The following PRMT3 variants were observed in gnomAD, a reference collection of about 807,000 sequenced individuals.
PRMT3 encodes the protein protein arginine methyltransferase 3.
In PRMT3, 62 loss-of-function variants were observed where a neutral mutation model predicts 71.9. The observed-to-expected ratio is 0.86, with a 90% CI of 0.70 to 1.07. The LOEUF (loss-of-function observed/expected upper bound fraction) is 1.07, where lower values mean the gene tolerates loss of function less well. PRMT3 is among the 50% of genes least tolerant of loss of function. The pLI is 0.00. For synonymous variants in PRMT3, 213 were observed against 220.4 expected, an observed-to-expected ratio of 0.97 and a Z score of 0.30; for missense variants, 663 against 643.0, an observed-to-expected ratio of 1.03 and a Z score of -0.34.
At chr11:20,501,760 A>G (rs1245887527) in intron 15 of PRMT3, among the ~76,000 whole-genome samples, 1 of 152,216 alleles carries the variant, frequency 6.6e-6, no homozygotes, top group African/African-American at 2.4e-5. Flanking sequence ...TCCCTTTACA[A>G]TTCATGTACA....
chr11:20,445,365 T>TACCCCTACTATTATATTCCATAC (rs1346696290), intron 10 of PRMT3, among the ~76,000 whole-genome samples: 1 of 152,140 alleles, frequency 6.6e-6, no homozygotes, highest in African/African-American at 2.4e-5. Flanking sequence ...TCCCTTCCTA[T>TACCCCTACTATTATATTCCATAC]ACCCCTACTA....
At chr11:20,412,428 G>T (rs1196799917) in intron 9 of PRMT3, among the ~76,000 whole-genome samples, 2 of 151,790 alleles carry the variant, frequency 1.3e-5, no homozygotes, top group Admixed American at 6.6e-5. Context: ...TGAAGTATCA[G>T]AGAGTTCCTT....
At chr11:20,401,614 A>G (rs1285807781) in intron 7 of PRMT3, among the ~76,000 whole-genome samples, 2 of 152,152 alleles carry the variant, frequency 1.3e-5, no homozygotes, top group Admixed American at 6.5e-5. Flanking sequence ...TATTGTAGCA[A>G]TTGGTGTAAT....
chr11:20,405,122 C>T (rs1334423517), intron 8 of PRMT3, among the ~76,000 whole-genome samples: 1 of 151,390 alleles, frequency 6.6e-6, no homozygotes, highest in African/African-American at 2.4e-5. Context: ...CCTTTTCTTC[C>T]TTCTTTTCTT....
chr11:20,397,433 G>A, intron 6 of PRMT3, 144 bp from the exon 7 acceptor site: 1 of 753,150 alleles, frequency 1.3e-6, no homozygotes, highest in Non-Finnish European at 2.2e-6. Context: ...AGCAGGGGGA[G>A]CTTTCAGTTG....
chr11:20,493,802 A>G, intron 13 of PRMT3, 117 bp from the exon 14 acceptor site: 1 of 669,712 alleles, frequency 1.5e-6, no homozygotes, highest in East Asian at 2.9e-5. Flanking sequence ...ATTGAGTTTA[A>G]GAGGTATTTA....
chr11:20,443,676 C>A (rs1590068626), intron 10 of PRMT3, among the ~76,000 whole-genome samples: 1 of 152,168 alleles, frequency 6.6e-6, no homozygotes, highest in East Asian at 1.9e-4. Flanking sequence ...TGGAATAAGA[C>A]CCACACGTGC....
At chr11:20,401,257 G>A (rs895980025) in intron 7 of PRMT3, among the ~76,000 whole-genome samples, 3 of 152,138 alleles carry the variant, frequency 2.0e-5, no homozygotes, top group Non-Finnish European at 4.4e-5. Context: ...TTCACTCTGT[G>A]TAAGTTTTGT....
At chr11:20,505,390 T>A (rs1851566529) in intron 15 of PRMT3, among the ~76,000 whole-genome samples, 1 of 152,214 alleles carries the variant, frequency 6.6e-6, no homozygotes, top group South Asian at 2.1e-4. Context: ...TGTGAACTAC[T>A]TTATACCAGC....
intron 10 of PRMT3, among the ~76,000 whole-genome samples, 199 bp from the exon 11 acceptor site, chr11:20,451,931 C>T (rs932497518): frequency 6.6e-6 from 1 of 152,052 alleles, no homozygotes; most frequent in Non-Finnish European, 1.5e-5. Flanking sequence ...AATAAACTTT[C>T]TGGGTTCACT....
In PRMT3 at chr11:20,508,579, G is replaced by C. The variant is rs928864827; in HGVS notation, c.*166G>C. ...CATTGTGGGAATCTGACATAGTTCA[G>C]CTGAGGAAGAGAATCAGCTGATCCT... On this transcript the variant is annotated 3_prime_UTR_variant, in exon 16 of 16. Transcript: ENST00000331079. The C allele has an allele frequency of 2.9e-6, 2 of 699,292 alleles. No homozygotes were observed. Among genetic ancestry groups the C allele is most frequent in the Non-Finnish European group, 5.3e-6 (2 of 380,408 alleles). The allele number at this position is 699,292 out of a possible 1,614,324, so 43.3% of individuals were successfully genotyped here.
chr11:20,442,720 A>G (rs1164784290), intron 10 of PRMT3, among the ~76,000 whole-genome samples: 1 of 152,234 alleles, frequency 6.6e-6, no homozygotes, highest in Non-Finnish European at 1.5e-5. Context: ...ATATTCATGT[A>G]TATTTCAAAT....
intron 10 of PRMT3, among the ~76,000 whole-genome samples, chr11:20,434,641 G>A (rs952006919): frequency 1.3e-5 from 2 of 152,110 alleles, no homozygotes; most frequent in African/African-American, 4.8e-5. Context: ...GCTTGTTTTT[G>A]TCAGCTTTGT....
intron 13 of PRMT3, among the ~76,000 whole-genome samples, chr11:20,485,991 A>C (rs943654212): frequency 2.0e-5 from 3 of 152,226 alleles, no homozygotes; most frequent in African/African-American, 7.2e-5. Context: ...GATAAGTAAA[A>C]TTTGGCATAT....
At chr11:20,441,790 T>G (rs10833327) in intron 10 of PRMT3, among the ~76,000 whole-genome samples, 97,968 of 124,146 alleles carry the variant, frequency 0.79, 38,798 homozygotes, top group Non-Finnish European at 0.89. Context: ...AGTTTCAGGT[T>G]TTTTTTTTTT....
intron 3 of PRMT3, among the ~76,000 whole-genome samples, chr11:20,391,080 C>A (rs926753214): frequency 2.6e-5 from 4 of 151,854 alleles, no homozygotes; most frequent in Non-Finnish European, 5.9e-5. Flanking sequence ...TTTTTTGGTC[C>A]CTATATTTGT....
chr11:20,505,745 T>C (rs1851575430), intron 15 of PRMT3, among the ~76,000 whole-genome samples: 1 of 152,156 alleles, frequency 6.6e-6, no homozygotes, highest in Non-Finnish European at 1.5e-5. Context: ...ATCTTTTATT[T>C]CTTCCTTAGG....
intron 13 of PRMT3, among the ~76,000 whole-genome samples, chr11:20,467,492 G>A (rs185548550): frequency 6.6e-6 from 1 of 152,152 alleles, no homozygotes; most frequent in South Asian, 2.1e-4. Context: ...CTATGAATAA[G>A]ATCTTACAGG....
chr11:20,437,694 A>G (rs896988579), intron 10 of PRMT3, among the ~76,000 whole-genome samples: 2 of 151,910 alleles, frequency 1.3e-5, no homozygotes, highest in African/African-American at 4.8e-5. Flanking sequence ...GGTTCATGCC[A>G]TTCTCCTGCC....
Sources: allele counts gnomAD v4.1 joint callset (sites outside exome capture counted in the v4.1 genomes callset), GRCh38; gene constraint gnomAD v4.1.1; transcripts MANE v1.5; gene names NCBI Gene and HGNC (gene_info 2026-07-23, HGNC 2026-07-21).